HS3ST4: variants seen among roughly 807,000 people sequenced by gnomAD.
HS3ST4 encodes heparan sulfate-glucosamine 3-sulfotransferase 4.
In HS3ST4, 17 loss-of-function variants were observed where a neutral mutation model predicts 29.2. The observed-to-expected ratio is 0.58, with a 90% CI of 0.40 to 0.87. The LOEUF is 0.87. HS3ST4 is among the 40% of genes least tolerant of loss of function. The pLI is 0.00. For synonymous variants in HS3ST4, 314 were observed against 285.7 expected (o/e 1.10, Z -1.00); for missense variants, 627 against 634.5 (o/e 0.99, Z 0.13).
chr16:25,840,945 ATTTAC>A (rs1041340867), intron 1 of HS3ST4, among the ~76,000 whole-genome samples: 22 of 151,804 alleles, frequency 1.4e-4, no homozygotes, highest in Middle Eastern at 3.4e-3. Context: ...TGAGATTTGT[ATTTAC>A]TTTACTTTAA....
At chr16:25,799,512 C>G (rs2141623369) in intron 1 of HS3ST4, among the ~76,000 whole-genome samples, 1 of 152,198 alleles carries the variant, frequency 6.6e-6, no homozygotes, top group Middle Eastern at 3.4e-3. Flanking sequence ...ACCTTTCAGC[C>G]TTTTCTCTGT....
intron 1 of HS3ST4, among the ~76,000 whole-genome samples, chr16:26,104,177 G>T (rs1019718952): frequency 3.9e-5 from 6 of 152,114 alleles, no homozygotes; most frequent in Non-Finnish European, 1.5e-5. Flanking sequence ...GTGTTACCTT[G>T]TTTGAAGGTG....
intron 1 of HS3ST4, among the ~76,000 whole-genome samples, chr16:25,909,213 G>C (rs1391714808): frequency 1.3e-5 from 2 of 152,010 alleles, no homozygotes; most frequent in African/African-American, 2.4e-5. Flanking sequence ...TTTCGAGATG[G>C]GCTCTTGCTC....
At chr16:26,074,808 G>C (rs999325279) in intron 1 of HS3ST4, among the ~76,000 whole-genome samples, 1 of 152,060 alleles carries the variant, frequency 6.6e-6, no homozygotes, top group Non-Finnish European at 1.5e-5. Context: ...CTATATATGT[G>C]AATGCACATG....
rs5816349 is a variant in HS3ST4, at chr16:25,999,894, A to T, written c.735-135718A>T. ...TATTTTATATATATTATATATATAT[A>T]TTTTATATATATATATATATCTGTT... On this transcript the variant is annotated intron_variant, in intron 1 of 1. Coordinates refer to ENST00000331351, the MANE Select transcript of HS3ST4 (RefSeq NM_006040.3). Among the ~76,000 whole-genome samples the T allele has an allele frequency of 6.4e-3, 666 of 103,650 alleles. 4 individuals are homozygous for T. Among genetic ancestry groups the T allele is most frequent in the African/African-American group, 8.8e-3 (256 of 29,034 alleles). The allele number at this position is 103,650 out of a possible 152,430, so 68.0% of individuals were successfully genotyped here.
chr16:26,096,389 A>G (rs769393877), intron 1 of HS3ST4, among the ~76,000 whole-genome samples: 4 of 152,174 alleles, frequency 2.6e-5, no homozygotes, highest in Non-Finnish European at 5.9e-5. Flanking sequence ...CAAAAAGCTT[A>G]CCCACCACGA....
intron 1 of HS3ST4, among the ~76,000 whole-genome samples, chr16:26,041,724 C>T: frequency 6.6e-6 from 1 of 152,122 alleles, no homozygotes; most frequent in Non-Finnish European, 1.5e-5. Context: ...TTCACAAAAA[C>T]AAATGGCAGC....
chr16:26,054,310 G>GGAAGAA (rs202122640), intron 1 of HS3ST4, among the ~76,000 whole-genome samples: 2 of 148,456 alleles, frequency 1.3e-5, no homozygotes, highest in Admixed American at 1.3e-4. Context: ...AGGAGGAGGA[G>GGAAGAA]GAAGAAGAAG....
chr16:25,956,717 G>A (rs563009542), intron 1 of HS3ST4, among the ~76,000 whole-genome samples: 25 of 152,292 alleles, frequency 1.6e-4, no homozygotes, highest in Admixed American at 9.8e-4. Context: ...CATGGGTTTT[G>A]GCTGGGCGTG....
Position 25,692,540 on chromosome 16 carries a change from G to T in HS3ST4, c.123G>T (p.Leu41Phe). 1 of 1,451,462 alleles carries T rather than the reference G, an allele frequency of 6.9e-7. No homozygotes were observed. Among genetic ancestry groups the T allele is most frequent in the Non-Finnish European group, 9.2e-7 (1 of 1,092,562 alleles). The allele number at this position is 1,451,462 out of a possible 1,614,324, so 89.9% of individuals were successfully genotyped here. A position where few individuals can be genotyped will look rare whatever the true frequency, so the allele number is the denominator to read the frequency against. The change falls in exon 1 of 2, where the codon TTG becomes TTT. Residue 41 changes from leucine to phenylalanine, a missense_variant. By Grantham distance (22) the Leu-to-Phe change is conservative (BLOSUM62 0). This residue lies in a region of HS3ST4 where 402 missense variants were observed against 340.8 expected (regional missense o/e 1.18). Coordinates refer to ENST00000331351, the MANE Select transcript of HS3ST4 (RefSeq NM_006040.3). ...GCAAGCTGCTTTTTATGTGCACCTT[G>T]TCCCTGTCTGTCACCTACCTGTGCT... The part of the protein sequence containing the change: ...PARKLLFMCT[L>F]SLSVTYLCYS...
At chr16:25,697,066 C>T (rs183445902) in intron 1 of HS3ST4, among the ~76,000 whole-genome samples, 190 of 152,330 alleles carry the variant, frequency 1.2e-3, no homozygotes, top group Non-Finnish European at 2.1e-3. Context: ...CACACTGCCA[C>T]ACATAAAGTA....
chr16:25,757,425 T>C (rs1966764375), intron 1 of HS3ST4, among the ~76,000 whole-genome samples: 4 of 152,082 alleles, frequency 2.6e-5, no homozygotes, highest in Admixed American at 2.0e-4. Flanking sequence ...GATATTGCAT[T>C]TCTTATAAGT....
chr16:25,740,800 G>C (rs2141597473), intron 1 of HS3ST4, among the ~76,000 whole-genome samples: 1 of 152,114 alleles, frequency 6.6e-6, no homozygotes, highest in East Asian at 1.9e-4. Flanking sequence ...GCCAGAACCA[G>C]GGGTTCACAT....
chr16:25,708,677 C>A (rs1409535054), intron 1 of HS3ST4, among the ~76,000 whole-genome samples: 1 of 152,154 alleles, frequency 6.6e-6, no homozygotes, highest in African/African-American at 2.4e-5. Context: ...AACCTCTTGA[C>A]CTCAATGAGA....
intron 1 of HS3ST4, among the ~76,000 whole-genome samples, chr16:26,124,324 T>TC (rs1009139591): frequency 5.4e-4 from 82 of 152,176 alleles, no homozygotes; most frequent in African/African-American, 1.9e-3. Context: ...ACGAAGAGTT[T>TC]TTTTCTGTAG....
chr16:25,782,401 C>G (rs1338993662), intron 1 of HS3ST4, among the ~76,000 whole-genome samples: 1 of 152,206 alleles, frequency 6.6e-6, no homozygotes, highest in Non-Finnish European at 1.5e-5. Flanking sequence ...GGACTGTCTC[C>G]TTCCCCCAAG....
intron 1 of HS3ST4, among the ~76,000 whole-genome samples, chr16:25,865,643 T>C (rs1208917204): frequency 6.6e-6 from 1 of 152,038 alleles, no homozygotes; most frequent in Non-Finnish European, 1.5e-5. Context: ...CAATGAAACA[T>C]AATAGAAAAA....
chr16:25,916,366 G>T lies in HS3ST4; in HGVS notation c.735-219246G>T, dbSNP rs1314464525. Among the ~76,000 whole-genome samples, 4 of 152,000 alleles carry T rather than the reference G, an allele frequency of 2.6e-5. No individual in the cohort carries two copies. The East Asian group carries it at 7.8e-4, about 30-fold the overall frequency. The stretch of plus-strand genomic sequence containing the variant: ...TGTTGTGTTGTGTTTATATTCGAAT[G>T]CATTTTTTTTTTTGAGACAGAGTTT... On this transcript the variant is annotated intron_variant, in intron 1 of 1. Coordinates refer to ENST00000331351, the MANE Select transcript of HS3ST4 (RefSeq NM_006040.3).
rs1968177390 is a variant in HS3ST4 at position 25,906,146 on chromosome 16, G to T, written c.734+212995G>T. 2.0e-5 allele frequency among the ~76,000 whole-genome samples: 3 copies of T among 152,126 alleles called. No homozygotes were observed. The South Asian group carries it at 6.2e-4, about 32-fold the overall frequency. On this transcript the variant is annotated intron_variant, in intron 1 of 1. Coordinates refer to ENST00000331351, the MANE Select transcript of HS3ST4 (RefSeq NM_006040.3). ...TCTTGAAGCCTGAGAGGCATAATTG[G>T]CAATTTGGGGTGTTGAGATTTGGGG...
Sources: gnomAD v4.1 joint callset for allele counts (sites outside exome capture counted in the v4.1 genomes callset) on GRCh38, gnomAD v4.1.1 for gene constraint, gnomAD v4.1.1 regional missense constraint, MANE v1.5 for transcripts, NCBI Gene and HGNC (gene_info 2026-07-23, HGNC 2026-07-21) for gene names.